Variants in SYT11 observed in about 807,000 individuals in gnomAD.
SYT11 encodes synaptotagmin 11.
Under a neutral mutation model 30.4 loss-of-function variants are expected in SYT11, and 12 were observed. The observed-to-expected ratio is 0.39, with a 90% CI of 0.25 to 0.64. The LOEUF (loss-of-function observed/expected upper bound fraction) is 0.64. Ranked by LOEUF, SYT11 falls within the 30% of genes least tolerant of loss-of-function variation. The pLI, the probability that SYT11 is intolerant of heterozygous loss-of-function variation, is 0.45. For synonymous variants in SYT11, 204 were observed against 216.0 expected, an observed-to-expected ratio of 0.94 and a Z score of 0.49; for missense variants, 412 against 552.0, an observed-to-expected ratio of 0.75 and a Z score of 2.54.
chr1:155,881,162 CT>C (rs1193727581), intron 3 of SYT11, 35 bp from the exon 4 acceptor site: 2 of 1,585,894 alleles, frequency 1.3e-6, no homozygotes, highest in African/African-American at 1.3e-5. Context: ...TGTCATAGGT[CT>C]GTCTCCCTTT....
At chr1:155,871,145 CA>C (rs1672775973) in intron 2 of SYT11, among the ~76,000 whole-genome samples, 1 of 152,142 alleles carries the variant, frequency 6.6e-6, no homozygotes, top group South Asian at 2.1e-4. Context: ...TGCCAGGATA[CA>C]ATGAGACATC....
At chr1:155,873,532 A>G (rs1338060660) in intron 2 of SYT11, among the ~76,000 whole-genome samples, 3 of 152,248 alleles carry the variant, frequency 2.0e-5, no homozygotes, top group African/African-American at 7.2e-5. Context: ...GATACTCAGT[A>G]TTGAAGGATG....
chr1:155,861,211 C>A (rs1316706704), intron 1 of SYT11, among the ~76,000 whole-genome samples: 1 of 152,190 alleles, frequency 6.6e-6, no homozygotes, highest in Non-Finnish European at 1.5e-5. Context: ...AAGGCTAAAT[C>A]TTGATGGTAT....
rs117581145 is a variant in SYT11, at chr1:155,860,769, G to A, written c.34+974G>A. ...AGAAAGTGGAGTGGAAAATAGGGAAGAAGGTGGCAAAGACAAGCTTGAGAA... is the reference window on the plus strand; with the variant it reads ...AGAAAGTGGAGTGGAAAATAGGGAAAAAGGTGGCAAAGACAAGCTTGAGAA... On this transcript the variant is annotated intron_variant, in intron 1 of 3. Coordinates refer to ENST00000368324, the MANE Select transcript of SYT11 (RefSeq NM_152280.5). This position sits in a 1 kb window ranked among gnomAD's most constrained non-coding sequence, Gnocchi z 4.1. Among the ~76,000 whole-genome samples, 17 of 152,364 alleles carry A rather than the reference G, an allele frequency of 1.1e-4. No homozygotes were observed. In the East Asian group the frequency reaches 3.1e-3, roughly 28 times the overall value.
chr1:155,861,514 G>A (rs1571970774), intron 1 of SYT11, among the ~76,000 whole-genome samples: 1 of 152,294 alleles, frequency 6.6e-6, no homozygotes, highest in Middle Eastern at 3.4e-3. Flanking sequence ...AAATACCCTC[G>A]AGTGTATGTA....
At chr1:155,867,329 G>A (rs1014530934) in intron 1 of SYT11, among the ~76,000 whole-genome samples, 1 of 152,164 alleles carries the variant, frequency 6.6e-6, no homozygotes, top group Admixed American at 6.5e-5. Flanking sequence ...AAAGTGCCGG[G>A]ATTACAGGTG....
rs1409938451 is a variant in SYT11 at position 155,860,525 on chromosome 1, C to T, written c.34+730C>T. Among the ~76,000 whole-genome samples, 2 of 152,168 alleles carry T rather than the reference C, an allele frequency of 1.3e-5. No homozygotes were observed. Among genetic ancestry groups the T allele is most frequent in the Non-Finnish European group, 2.9e-5 (2 of 68,024 alleles). Reference sequence around the variant, plus strand: ...CAGCGCCGACGCTCTCCTTCCGGGGCCTTTGTTCCCTGTTTCCCTGGGCCG... The same window carrying T: ...CAGCGCCGACGCTCTCCTTCCGGGGTCTTTGTTCCCTGTTTCCCTGGGCCG... On this transcript the variant is annotated intron_variant, in intron 1 of 3. Transcript: ENST00000368324. The surrounding 1 kb of genome is among the most constrained non-coding windows in gnomAD (Gnocchi z 4.1).
At position 155,874,618 on chromosome 1, in the gene SYT11, C is replaced by T. The variant is rs373894128; in HGVS notation, c.861+5827C>T. 1.6e-3 allele frequency among the ~76,000 whole-genome samples: 236 copies of T among 147,346 alleles called. 5 individuals are homozygous for T. Among genetic ancestry groups the T allele is most frequent in the African/African-American group, 4.8e-3 (194 of 40,266 alleles). ...TCAAAAATAAAAATAAGGCCGGGCGCGGTGGCTGACGCCTGTAATCCCAGC... is the reference window on the plus strand; with the variant it reads ...TCAAAAATAAAAATAAGGCCGGGCGTGGTGGCTGACGCCTGTAATCCCAGC... On this transcript the variant is annotated intron_variant, in intron 2 of 3. Transcript: ENST00000368324.
chr1:155,861,073 G>A (rs111872775), intron 1 of SYT11, among the ~76,000 whole-genome samples: 6 of 152,194 alleles, frequency 3.9e-5, no homozygotes, highest in South Asian at 2.1e-4. Flanking sequence ...TCCTGAATAA[G>A]AGGTACAGTG....
chr1:155,877,485 G>T (rs957721527), intron 2 of SYT11, among the ~76,000 whole-genome samples: 2 of 150,316 alleles, frequency 1.3e-5, no homozygotes, highest in African/African-American at 2.4e-5. Context: ...CTGCAGCTTC[G>T]ATCTCCGGGG....
intron 3 of SYT11, 113 bp from the exon 4 acceptor site, chr1:155,881,085 T>A (rs1349610573): frequency 8.7e-7 from 1 of 1,147,494 alleles, no homozygotes; most frequent in African/African-American, 1.6e-5. Flanking sequence ...GGGATGGCCA[T>A]CAAAGATACG....
chr1:155,878,761 G>A (rs867525797), intron 2 of SYT11, among the ~76,000 whole-genome samples: 4 of 152,042 alleles, frequency 2.6e-5, no homozygotes, highest in African/African-American at 4.8e-5. Flanking sequence ...CAGCTACTCA[G>A]GAGGATGAGG....
chr1:155,871,322 TC>T (rs1239324849), intron 2 of SYT11, among the ~76,000 whole-genome samples: 2 of 152,200 alleles, frequency 1.3e-5, no homozygotes, highest in Non-Finnish European at 2.9e-5. Flanking sequence ...CGTATTCCCT[TC>T]ACAGCAGCTC....
intron 2 of SYT11, among the ~76,000 whole-genome samples, chr1:155,870,773 T>A (rs1312155856): frequency 1.3e-5 from 2 of 152,206 alleles, no homozygotes; most frequent in Non-Finnish European, 2.9e-5. Flanking sequence ...TTTGTGTGTG[T>A]GTATTCTTGC....
chr1:155,862,793 A>T (rs1326758554), intron 1 of SYT11, among the ~76,000 whole-genome samples: 2 of 152,180 alleles, frequency 1.3e-5, no homozygotes, highest in Non-Finnish European at 2.9e-5. Context: ...TCTCATAGAG[A>T]CAGTGTTCAG....
At chr1:155,873,202 C>A (rs997321564) in intron 2 of SYT11, among the ~76,000 whole-genome samples, 1 of 152,046 alleles carries the variant, frequency 6.6e-6, no homozygotes, top group Non-Finnish European at 1.5e-5. Flanking sequence ...CCGAGGCAGG[C>A]GGATCACAAG....
Position 155,878,621 on chromosome 1 carries a change from T to G in SYT11, c.862-1879T>G, listed in dbSNP as rs1042732403. ...TGGCTCACGCCTGTAATCCCAGCAC[T>G]TTGGGAGGCCGAGACGGGCGGATCA... On this transcript the variant is annotated intron_variant, in intron 2 of 3. Transcript: ENST00000368324. Among the ~76,000 whole-genome samples the G allele has an allele frequency of 2.0e-5, 3 of 151,844 alleles. No individual in the cohort carries two copies. The South Asian group carries it at 6.2e-4, about 32-fold the overall frequency.
chr1:155,876,308 C>G (rs374996655), intron 2 of SYT11, among the ~76,000 whole-genome samples: 1 of 139,952 alleles, frequency 7.1e-6, no homozygotes, highest in Non-Finnish European at 1.5e-5. Flanking sequence ...TGCAGTGGCG[C>G]GATCTCGGCT....
chr1:155,868,606 A>T lies in SYT11; in HGVS notation c.676A>T (p.Thr226Ser). ...RKTLDPVFDE[T>S]FTFYGIPYSQ... ...GACCCTGGACCCTGTGTTTGACGAG[A>T]CCTTCACCTTCTATGGCATCCCCTA... The change falls in exon 2 of 4, where the codon ACC becomes TCC. Residue 226 changes from threonine to serine, a missense_variant. Coordinates refer to ENST00000368324, the MANE Select transcript of SYT11 (RefSeq NM_152280.5). This position sits in a 1 kb window ranked among gnomAD's most constrained non-coding sequence, Gnocchi z 4.7. 1 of 1,614,090 alleles carries T rather than the reference A, an allele frequency of 6.2e-7. No individual in the cohort carries two copies. Among genetic ancestry groups the T allele is most frequent in the Non-Finnish European group, 8.5e-7 (1 of 1,180,022 alleles).
Sources: allele counts gnomAD v4.1 joint callset (sites outside exome capture counted in the v4.1 genomes callset), GRCh38; gene constraint gnomAD v4.1.1; non-coding constraint Gnocchi (gnomAD v3.1); transcripts MANE v1.5; gene names NCBI Gene and HGNC (gene_info 2026-07-23, HGNC 2026-07-21).